The following LONP2 variants were observed in gnomAD, a reference collection of about 807,000 sequenced individuals.
LONP2 encodes the protein lon peptidase 2, peroxisomal, also known as lon protease homolog 2, peroxisomal.
In LONP2, 60 loss-of-function variants were observed where a neutral mutation model predicts 85.6. The ratio of observed to expected loss-of-function variants is 0.70; its 90% CI spans 0.57 to 0.87. The LOEUF is 0.87. LONP2 is among the 40% of genes least tolerant of loss of function. LONP2 has a pLI of 0.00. For synonymous variants in LONP2, 395 were observed against 389.7 expected (o/e 1.01, Z -0.16); for missense variants, 860 against 1,063.5 (o/e 0.81, Z 2.66).
At chr16:48,306,944 A>G (rs931448404) in intron 11 of LONP2, among the ~76,000 whole-genome samples, 2 of 152,196 alleles carry the variant, frequency 1.3e-5, no homozygotes, top group Non-Finnish European at 2.9e-5. Context: ...GAGACAGAAA[A>G]AAAATAATAA....
At chr16:48,327,799 AAAG>A (rs1959291444) in intron 11 of LONP2, among the ~76,000 whole-genome samples, 1 of 152,244 alleles carries the variant, frequency 6.6e-6, no homozygotes, top group Admixed American at 6.5e-5. Flanking sequence ...AATAGTTTGT[AAAG>A]AAGATTTTAA....
Position 48,362,356 on chromosome 16 carries a change from G to A in LONP2, c.*493G>A, listed in dbSNP as rs751008367. The A allele has an allele frequency of 4.3e-6, 7 of 1,614,086 alleles. No individual in the cohort carries two copies. In the East Asian group the frequency reaches 1.1e-4, roughly 26 times the overall value. Reference sequence around the variant, plus strand: ...TTGTTGGATGCAGTTGTGCCAGTCAGGGCAGGCACCCTCTGGGATGGTGGA... The same window carrying A: ...TTGTTGGATGCAGTTGTGCCAGTCAAGGCAGGCACCCTCTGGGATGGTGGA... On this transcript the variant is annotated 3_prime_UTR_variant, in exon 5 of 5. Transcript: ENST00000565867. The surrounding 1 kb of genome is among the most constrained non-coding windows in gnomAD (Gnocchi z 4.2).
intron 10 of LONP2, among the ~76,000 whole-genome samples, chr16:48,302,543 A>T (rs937959710): frequency 5.9e-5 from 9 of 152,108 alleles, no homozygotes; most frequent in Non-Finnish European, 1.3e-4. Flanking sequence ...TTTGATTCTA[A>T]TGTACATGTG....
chr16:48,257,387 A>G (rs1819321749), intron 3 of LONP2, among the ~76,000 whole-genome samples: 1 of 152,182 alleles, frequency 6.6e-6, no homozygotes. Context: ...ACGTGGAGCC[A>G]TGGCCCTTCC....
downstream of LONP2, among the ~76,000 whole-genome samples, chr16:48,357,799 C>T (rs1427022218): frequency 6.6e-6 from 1 of 152,112 alleles, no homozygotes; most frequent in African/African-American, 2.4e-5. Context: ...CACTTACATA[C>T]GTTTGAAGTT....
chr16:48,274,403 G>T (rs1187742766), intron 7 of LONP2, among the ~76,000 whole-genome samples: 2 of 151,910 alleles, frequency 1.3e-5, no homozygotes, highest in Admixed American at 6.6e-5. Context: ...AGCGCTCTCT[G>T]GGTGTTTTGT....
At chr16:48,328,327 C>T (rs531330647) in intron 11 of LONP2, among the ~76,000 whole-genome samples, 5 of 149,998 alleles carry the variant, frequency 3.3e-5, no homozygotes, top group East Asian at 2.0e-4. Context: ...GGGTGAATCA[C>T]GATATCAGGA....
Position 48,270,290 on chromosome 16 carries a change from C to A in LONP2, c.1241+16C>A, listed in dbSNP as rs769328184. 1 of 1,610,760 alleles carries A rather than the reference C, an allele frequency of 6.2e-7. No individual in the cohort carries two copies. Among genetic ancestry groups the A allele is most frequent in the South Asian group, 1.1e-5 (1 of 90,774 alleles). Reference sequence around the variant, plus strand: ...GAGGACACAGGTAGAACACTTCTCTCAGTTTAATCTCTGATTCCTCTTTCT... The same window carrying A: ...GAGGACACAGGTAGAACACTTCTCTAAGTTTAATCTCTGATTCCTCTTTCT... On this transcript the variant is annotated intron_variant, in intron 7 of 14. Coordinates refer to ENST00000285737, the MANE Select transcript of LONP2 (RefSeq NM_031490.5).
intron 11 of LONP2, among the ~76,000 whole-genome samples, chr16:48,325,314 C>T (rs1973347638): frequency 1.3e-5 from 2 of 152,334 alleles, no homozygotes; most frequent in African/African-American, 4.8e-5. Flanking sequence ...GACCAGTCCA[C>T]AGCCTAGGGT....
chr16:48,273,491 G>A (rs1350820388), intron 7 of LONP2, among the ~76,000 whole-genome samples: 5 of 152,106 alleles, frequency 3.3e-5, no homozygotes, highest in Admixed American at 2.0e-4. Flanking sequence ...CTTAAAGGAA[G>A]AATAATGTTT....
At chr16:48,301,809 C>A (rs905199183) in intron 10 of LONP2, among the ~76,000 whole-genome samples, 1 of 152,170 alleles carries the variant, frequency 6.6e-6, no homozygotes, top group Admixed American at 6.5e-5. Flanking sequence ...TTGTACAGCC[C>A]TTCTGACATT....
At chr16:48,285,510 C>T (rs182916266) in intron 8 of LONP2, among the ~76,000 whole-genome samples, 10 of 151,990 alleles carry the variant, frequency 6.6e-5, no homozygotes, top group Admixed American at 6.5e-4. Context: ...CTCTAAAGTG[C>T]TGTTCACTTT....
downstream of LONP2, among the ~76,000 whole-genome samples, chr16:48,358,941 CACTT>C (rs988470367): frequency 1.4e-4 from 21 of 152,268 alleles, no homozygotes; most frequent in Admixed American, 7.8e-4. Flanking sequence ...ATAATCAAAA[CACTT>C]AATAGTAAAA....
At chr16:48,286,147 T>C (rs1045857151) in intron 8 of LONP2, among the ~76,000 whole-genome samples, 5 of 150,780 alleles carry the variant, frequency 3.3e-5, no homozygotes, top group African/African-American at 1.2e-4. Context: ...GTAATCTTTT[T>C]TTTTTTTTTT....
chr16:48,264,312 C>T (rs757658355), intron 6 of LONP2, among the ~76,000 whole-genome samples: 4 of 151,404 alleles, frequency 2.6e-5, no homozygotes, highest in Non-Finnish European at 5.9e-5. Context: ...AGGTACGCCC[C>T]GGGGGGGCCA....
chr16:48,258,619 T>G lies in LONP2; in HGVS notation c.602T>G (p.Ile201Ser). Residue 201 changes from isoleucine (I) to serine (S), a missense_variant and splice_region_variant, in exon 4 of 15, where the codon ATT (isoleucine) becomes AGT (serine). By Grantham distance (142) the Ile-to-Ser change is moderately radical (BLOSUM62 -2). Transcript: ENST00000285737. Reference protein sequence around the residue: ...IRTSNKEKLQILDAVSLEERF... With the variant: ...IRTSNKEKLQSLDAVSLEERF... The stretch of plus-strand genomic sequence containing the variant: ...ATTGATTGACTCACATTTCCTTAGA[T>G]TTTAGATGCTGTGAGCCTAGAGGAG... 1 of 1,592,380 alleles carries G rather than the reference T, an allele frequency of 6.3e-7. No individual in the cohort carries two copies. Among genetic ancestry groups the G allele is most frequent in the Non-Finnish European group, 8.5e-7 (1 of 1,172,404 alleles).
chr16:48,331,844 G>A (rs1015399126), intron 11 of LONP2, among the ~76,000 whole-genome samples: 2 of 152,228 alleles, frequency 1.3e-5, no homozygotes, highest in East Asian at 1.9e-4. Flanking sequence ...GATTACAGGC[G>A]TGAGCCACCA....
rs1172148727 is a variant in LONP2, at chr16:48,296,052, A to T, written c.1421A>T (p.His474Leu). The change falls in exon 9 of 15, where the codon CAT (histidine) becomes CTT (leucine). Residue 474 changes from histidine to leucine, a missense_variant. His to Leu is a moderately conservative substitution (Grantham distance 99). This residue lies in a region of LONP2 where 743 missense variants were observed against 917.3 expected (regional missense o/e 0.81). Transcript: ENST00000285737. ...GAACAAAACCATAACTTCACAGATCATTATCTAAATGTGGCCTTTGACCTT... is the reference window on the plus strand; with the variant it reads ...GAACAAAACCATAACTTCACAGATCTTTATCTAAATGTGGCCTTTGACCTT... Reference protein sequence around the residue: ...DPEQNHNFTDHYLNVAFDLSQ... With the variant: ...DPEQNHNFTDLYLNVAFDLSQ... 1 of 1,614,030 alleles carries T rather than the reference A, an allele frequency of 6.2e-7. No individual in the cohort carries two copies. Among genetic ancestry groups the T allele is most frequent in the Non-Finnish European group, 8.5e-7 (1 of 1,180,016 alleles).
In LONP2 at chr16:48,347,578, G is replaced by A. The variant is rs901058441; in HGVS notation, c.2010G>A (p.Met670Ile). Residue 670 changes from methionine (M) to isoleucine (I), a missense_variant, in exon 13 of 15, where the codon ATG becomes ATA. Coordinates refer to ENST00000285737, the MANE Select transcript of LONP2 (RefSeq NM_031490.5). ...GGACTCCCTTAGGTGGAGAAATCAT[G>A]TTCGTGGAGGCGAGTCGAATGGATG... ...LAWTPLGGEI[M>I]FVEASRMDGE... The A allele has an allele frequency of 6.2e-7, 1 of 1,614,150 alleles. No individual in the cohort carries two copies. Among genetic ancestry groups the A allele is most frequent in the Admixed American group, 1.7e-5 (1 of 60,006 alleles).
Sources: allele counts gnomAD v4.1 joint callset (sites outside exome capture counted in the v4.1 genomes callset), GRCh38; gene constraint gnomAD v4.1.1; regional missense constraint gnomAD v4.1.1; non-coding constraint Gnocchi (gnomAD v3.1); transcripts MANE v1.5; gene names NCBI Gene and HGNC (gene_info 2026-07-23, HGNC 2026-07-21).